Variants in HDAC9 observed in about 807,000 individuals in gnomAD.
HDAC9 encodes the protein MEF-2 interacting transcription repressor (MITR) protein.
A neutral mutation model predicts 139.4 loss-of-function variants in HDAC9; 41 were observed. That is an observed-to-expected ratio of 0.29 (90% CI 0.23 to 0.38). HDAC9 has a LOEUF of 0.38. Ranked by LOEUF, HDAC9 falls within the 10% of genes least tolerant of loss-of-function variation. The pLI is 1.00. For missense variants in HDAC9, 1,147 were observed against 1,297.0 expected (o/e 0.88, Z 1.78); for synonymous variants, 517 against 476.2 (o/e 1.09, Z -1.12).
chr7:18,874,091 G>C (rs531681732), intron 21 of HDAC9, among the ~76,000 whole-genome samples: 1 of 151,938 alleles, frequency 6.6e-6, no homozygotes, highest in South Asian at 2.1e-4. Flanking sequence ...ACTGGAGCAA[G>C]CCGGGTTTTC....
At position 18,727,873 on chromosome 7, in the gene HDAC9, G is replaced by A. The variant is rs1785684300; in HGVS notation, c.1909+116G>A. ...TAGCAGAACACTCCATTTTAACCCA[G>A]TGCAACCCAAATTTTACGAGGTTAT... On this transcript the variant is annotated intron_variant, in intron 13 of 25. Coordinates refer to ENST00000686413, the MANE Select transcript of HDAC9 (RefSeq NM_178425.4). 6.5e-6 allele frequency: 5 copies of A among 771,004 alleles called. No homozygotes were observed. In the East Asian group the frequency reaches 1.7e-4, roughly 26 times the overall value. The allele number at this position is 771,004 out of a possible 1,614,324, so 47.8% of individuals were successfully genotyped here. A position where few individuals can be genotyped will look rare whatever the true frequency, so the allele number is the denominator to read the frequency against.
intron 2 of HDAC9, among the ~76,000 whole-genome samples, chr7:18,241,738 T>C (rs1794200713): frequency 6.6e-6 from 1 of 152,290 alleles, no homozygotes; most frequent in African/African-American, 2.4e-5. Flanking sequence ...CTGAGTACCA[T>C]TGTGGTTATA....
chr7:18,568,292 A>G (rs1823129796), intron 2 of HDAC9, among the ~76,000 whole-genome samples: 1 of 152,064 alleles, frequency 6.6e-6, no homozygotes, highest in African/African-American at 2.4e-5. Flanking sequence ...ATTAATATTT[A>G]CCATATTATT....
At chr7:18,953,344 C>A (rs1782934562) in intron 23 of HDAC9, among the ~76,000 whole-genome samples, 1 of 152,118 alleles carries the variant, frequency 6.6e-6, no homozygotes, top group Non-Finnish European at 1.5e-5. Context: ...GCGCTTTCTG[C>A]TGCAACATGC....
chr7:18,702,833 G>T (rs1783613068), intron 12 of HDAC9, among the ~76,000 whole-genome samples: 2 of 152,190 alleles, frequency 1.3e-5, no homozygotes, highest in South Asian at 4.1e-4. Flanking sequence ...TTAACATTTA[G>T]TAAGCTGTTG....
At chr7:18,504,230 C>T (rs1799145197) in intron 2 of HDAC9, among the ~76,000 whole-genome samples, 2 of 152,150 alleles carry the variant, frequency 1.3e-5, no homozygotes, top group Non-Finnish European at 2.9e-5. Context: ...AGAAAGTTAT[C>T]ACCACCCGTT....
At chr7:18,555,896 A>G (rs1355515616) in intron 2 of HDAC9, among the ~76,000 whole-genome samples, 1 of 152,124 alleles carries the variant, frequency 6.6e-6, no homozygotes, top group East Asian at 1.9e-4. Flanking sequence ...GTATTGTAGT[A>G]TTCAGTGAAA....
intron 17 of HDAC9, among the ~76,000 whole-genome samples, chr7:18,798,694 T>C (rs943966100): frequency 6.6e-6 from 1 of 152,200 alleles, no homozygotes; most frequent in Non-Finnish European, 1.5e-5. Context: ...AAAGCCTTTT[T>C]CTTAGAAGTA....
At chr7:18,838,693 C>T (rs551829265) in intron 21 of HDAC9, among the ~76,000 whole-genome samples, 2 of 151,836 alleles carry the variant, frequency 1.3e-5, no homozygotes, top group African/African-American at 2.4e-5. Flanking sequence ...AGTATTGAAC[C>T]AGAAGATCTT....
chr7:18,201,464 A>T lies in HDAC9; in HGVS notation c.25+39115A>T, dbSNP rs563875397. Among the ~76,000 whole-genome samples, 8 of 152,350 alleles carry T rather than the reference A, an allele frequency of 5.3e-5. No individual in the cohort carries two copies. In the South Asian group the frequency reaches 6.2e-4, roughly 12 times the overall value. On this transcript the variant is annotated intron_variant, in intron 2 of 12. Transcript: ENST00000417496. ...GAAGCCAGCTTCTTATGCCTTTAACAGTCCCCTACTGAGCTTAGCCACTCA... is the reference window on the plus strand; with the variant it reads ...GAAGCCAGCTTCTTATGCCTTTAACTGTCCCCTACTGAGCTTAGCCACTCA...
At chr7:18,792,658 A>G (rs1055974832) in intron 16 of HDAC9, among the ~76,000 whole-genome samples, 5 of 152,208 alleles carry the variant, frequency 3.3e-5, no homozygotes, top group African/African-American at 1.2e-4. Flanking sequence ...TCCAATTTTA[A>G]CAATACCAGT....
chr7:18,457,672 A>G (rs77709719), intron 1 of HDAC9, among the ~76,000 whole-genome samples: 2 of 152,264 alleles, frequency 1.3e-5, no homozygotes, highest in East Asian at 1.9e-4. Context: ...ATTTTCTTTC[A>G]TATCAACTGA....
chr7:18,724,132 T>A (rs532590336), intron 12 of HDAC9, among the ~76,000 whole-genome samples: 5 of 152,180 alleles, frequency 3.3e-5, no homozygotes, highest in Non-Finnish European at 5.9e-5. Context: ...AAATTAAACA[T>A]CACTTTCTTA....
rs568966903 is a variant in HDAC9, at chr7:18,453,644, A to G, written c.-41-42618A>G. Among the ~76,000 whole-genome samples the G allele has an allele frequency of 2.0e-5, 3 of 152,322 alleles. No homozygotes were observed. The South Asian group carries it at 6.2e-4, about 32-fold the overall frequency. ...CTTCCCTTAACTATTTAGTTTAGCT[A>G]GTTCATTAATACTATATAATATCAT... On this transcript the variant is annotated intron_variant, in intron 1 of 3. Transcript: ENST00000413509.
intron 22 of HDAC9, among the ~76,000 whole-genome samples, chr7:18,909,219 A>C (rs114936877): frequency 1.3e-5 from 2 of 151,922 alleles, no homozygotes; most frequent in Non-Finnish European, 2.9e-5. Flanking sequence ...ATTCTGATCA[A>C]TTGTCCATTT....
intron 2 of HDAC9, among the ~76,000 whole-genome samples, chr7:18,209,828 G>A (rs778682402): frequency 4.6e-5 from 7 of 152,002 alleles, no homozygotes; most frequent in Non-Finnish European, 8.8e-5. Context: ...AGCCTTCAGA[G>A]TAGCTGGGAC....
At chr7:18,392,106 C>T (rs968260890) in intron 1 of HDAC9, among the ~76,000 whole-genome samples, 1 of 152,092 alleles carries the variant, frequency 6.6e-6, no homozygotes, top group African/African-American at 2.4e-5. Flanking sequence ...GATTTGTATT[C>T]TCATTCTAGA....
At chr7:18,565,145 C>T (rs549648405) in intron 2 of HDAC9, among the ~76,000 whole-genome samples, 13 of 152,032 alleles carry the variant, frequency 8.6e-5, no homozygotes, top group Admixed American at 3.9e-4. Context: ...TACAGCCATG[C>T]GCCACCACAC....
At chr7:18,393,995 C>T (rs1786788944) in intron 1 of HDAC9, among the ~76,000 whole-genome samples, 1 of 152,122 alleles carries the variant, frequency 6.6e-6, no homozygotes, top group African/African-American at 2.4e-5. Flanking sequence ...CAATAGAAGG[C>T]AGTCTGTTAA....
Sources: gnomAD v4.1 joint callset for allele counts (sites outside exome capture counted in the v4.1 genomes callset) on GRCh38, gnomAD v4.1.1 for gene constraint, MANE v1.5 for transcripts, NCBI Gene and HGNC (gene_info 2026-07-23, HGNC 2026-07-21) for gene names.